The following PLD5 variants were observed in gnomAD, a reference collection of about 807,000 sequenced individuals.
The protein encoded by PLD5 is inactive phospholipase D5.
PLD5 carries 36 observed loss-of-function variants against 61.1 expected under a neutral mutation model. That is an observed-to-expected ratio of 0.59 (90% CI 0.45 to 0.78). PLD5 has a LOEUF of 0.78. Among genes scored for constraint, PLD5 ranks in the 30% least tolerant of loss-of-function variants. PLD5 has a pLI of 0.00. For synonymous variants in PLD5, 243 were observed against 242.8 expected (o/e 1.00, Z -0.01); for missense variants, 515 against 644.4 (o/e 0.80, Z 2.17).
chr1:242,398,346 A>G (rs542047344), intron 1 of PLD5, among the ~76,000 whole-genome samples: 31 of 152,322 alleles, frequency 2.0e-4, no homozygotes, highest in African/African-American at 6.7e-4. Context: ...TCGCTGTTCA[A>G]TCAAAAATCT....
chr1:242,089,887 G>T lies in PLD5; in HGVS notation c.1578C>A (p.Asp526Glu), dbSNP rs369388309. 6.2e-7 allele frequency: 1 copy of T among 1,614,098 alleles called. No homozygotes were observed. The highest frequency in any genetic ancestry group is 1.1e-5 in the South Asian group (1 of 91,076). Residue 526 changes from aspartate to glutamate, a missense_variant, in exon 10 of 10, where the codon GAC becomes GAA. Coordinates refer to ENST00000536534, the MANE Select transcript of PLD5 (RefSeq NM_001372062.1). The stretch of plus-strand genomic sequence containing the variant: ...TCCGGGGATCCTTTCCGCCTGTGTC[G>T]TCTGTGGCAGTTTTGTTGGAGAGGG... ...LKPLSNKTAT[D>E]DTGGKDPRNV
At chr1:242,176,473 CA>C (rs1667154391) in intron 5 of PLD5, among the ~76,000 whole-genome samples, 1 of 152,038 alleles carries the variant, frequency 6.6e-6, no homozygotes, top group African/African-American at 2.4e-5. Flanking sequence ...GATGGAAAAC[CA>C]TAAAAATCCT....
chr1:242,160,810 G>C (rs1484223552), intron 5 of PLD5, among the ~76,000 whole-genome samples: 2 of 152,004 alleles, frequency 1.3e-5, no homozygotes, highest in Non-Finnish European at 2.9e-5. Context: ...GCTTGAATCC[G>C]GGAGATGGAG....
intron 5 of PLD5, among the ~76,000 whole-genome samples, chr1:242,149,818 G>A (rs1356522878): frequency 6.6e-6 from 1 of 151,544 alleles, no homozygotes; most frequent in Non-Finnish European, 1.5e-5. Context: ...GGTCTGTAGT[G>A]ATGTCCCTTC....
chr1:242,196,669 T>C (rs1014758686), intron 5 of PLD5, among the ~76,000 whole-genome samples: 34 of 152,204 alleles, frequency 2.2e-4, no homozygotes, highest in African/African-American at 6.5e-4. Flanking sequence ...AATATAGCTA[T>C]ATTTAAATAT....
chr1:242,426,849 G>A (rs1426782388), intron 1 of PLD5, among the ~76,000 whole-genome samples: 1 of 152,120 alleles, frequency 6.6e-6, no homozygotes, highest in Non-Finnish European at 1.5e-5. Flanking sequence ...GTAGTTATAT[G>A]CCAGAGTTCC....
chr1:242,165,950 C>T (rs1666273163), intron 5 of PLD5, among the ~76,000 whole-genome samples: 1 of 152,224 alleles, frequency 6.6e-6, no homozygotes, highest in African/African-American at 2.4e-5. Context: ...CCTGACTGTT[C>T]AGTCCTTCCT....
At chr1:242,273,858 T>C (rs940306805) in intron 3 of PLD5, among the ~76,000 whole-genome samples, 152 of 152,200 alleles carry the variant, frequency 1.0e-3, no homozygotes, top group African/African-American at 3.5e-3. Flanking sequence ...GGCTGGAAGG[T>C]GCAGCAGCAA....
rs377114319 is a variant in PLD5, at chr1:242,167,185, A to G, written c.736-42520T>C. ...TGGACACAGTGACTGTGATAGCAGC[A>G]TTCACAGTGACAACTATAATAACTA... On this transcript the variant is annotated intron_variant, in intron 5 of 9. Coordinates refer to ENST00000536534, the MANE Select transcript of PLD5 (RefSeq NM_001372062.1). 1.9e-3 allele frequency among the ~76,000 whole-genome samples: 283 copies of G among 152,080 alleles called. 1 individual carries two copies. Among genetic ancestry groups the G allele is most frequent in the African/African-American group, 6.4e-3 (266 of 41,528 alleles).
intron 5 of PLD5, among the ~76,000 whole-genome samples, chr1:242,186,430 G>T (rs186975574): frequency 7.0e-4 from 106 of 152,174 alleles, no homozygotes; most frequent in African/African-American, 2.5e-3. Flanking sequence ...TGATCCACCC[G>T]CCTTGGCTTC....
At chr1:242,272,939 G>C (rs1369400635) in intron 3 of PLD5, among the ~76,000 whole-genome samples, 1 of 151,644 alleles carries the variant, frequency 6.6e-6, no homozygotes, top group Non-Finnish European at 1.5e-5. Context: ...TTTAAGTTCT[G>C]GGATACATGT....
In PLD5 at chr1:242,524,232, C is replaced by G. The variant is rs1413501618; in HGVS notation, c.45G>C (p.Glu15Asp). 7 of 1,519,116 alleles carry G rather than the reference C, an allele frequency of 4.6e-6. No homozygotes were observed. The highest frequency in any genetic ancestry group is 6.1e-6 in the Non-Finnish European group (7 of 1,138,848). The allele number at this position is 1,519,116 out of a possible 1,614,324, so 94.1% of individuals were successfully genotyped here. The change falls in exon 1 of 10, where the codon GAG becomes GAC. Residue 15 changes from glutamate (E) to aspartate (D), a missense_variant. Glu to Asp is a conservative substitution (Grantham distance 45). This residue lies in a region of PLD5 where 65 missense variants were observed against 46.3 expected (regional missense o/e 1.40). Transcript: ENST00000536534. ...TTTTGAGCCTCATCTGCTCGAAGCC[C>G]TCATGGGGGGAGGCCGAGAGCCACT... is the stretch of plus-strand genomic sequence containing the variant. ...QHEWLSASPHEGFEQMRLKSR... is the reference protein window; with the variant it reads ...QHEWLSASPHDGFEQMRLKSR...
intron 4 of PLD5, among the ~76,000 whole-genome samples, chr1:242,226,409 T>C (rs1021717171): frequency 2.0e-5 from 3 of 152,246 alleles, no homozygotes; most frequent in Non-Finnish European, 2.9e-5. Context: ...GTTTAACTGA[T>C]GATTCATAGG....
intron 5 of PLD5, among the ~76,000 whole-genome samples, chr1:242,146,908 A>G (rs1337390652): frequency 6.6e-6 from 1 of 152,218 alleles, no homozygotes; most frequent in African/African-American, 2.4e-5. Context: ...GAGGCTCTGC[A>G]TTGCTAAACA....
chr1:242,525,346 G>T (rs2103016783), upstream of PLD5, among the ~76,000 whole-genome samples: 1 of 152,316 alleles, frequency 6.6e-6, no homozygotes, highest in African/African-American at 2.4e-5. Flanking sequence ...CTGGGAGGGT[G>T]ATCCAGGGCT....
chr1:242,113,315 G>T (rs1381707715), intron 7 of PLD5, among the ~76,000 whole-genome samples: 4 of 151,916 alleles, frequency 2.6e-5, no homozygotes, highest in Non-Finnish European at 5.9e-5. Context: ...GGATGGTCTC[G>T]ATCTCCTGAC....
At chr1:242,394,153 T>C (rs1663187462) in intron 1 of PLD5, among the ~76,000 whole-genome samples, 1 of 107,002 alleles carries the variant, frequency 9.3e-6, no homozygotes, top group Non-Finnish European at 1.9e-5. Context: ...TATATGTGTA[T>C]ATATATGAGT....
intron 2 of PLD5, among the ~76,000 whole-genome samples, chr1:242,322,650 TAGTG>T (rs1482185086): frequency 3.3e-5 from 5 of 152,352 alleles, no homozygotes; most frequent in African/African-American, 9.6e-5. Context: ...GTTCCCATGA[TAGTG>T]AGTGAGTTCT....
intron 1 of PLD5, among the ~76,000 whole-genome samples, chr1:242,362,284 G>C (rs888382517): frequency 1.3e-4 from 20 of 152,028 alleles, no homozygotes; most frequent in Admixed American, 1.2e-3. Context: ...GCTGTCCAAG[G>C]TGAACCAAAC....
Sources: allele counts gnomAD v4.1 joint callset (sites outside exome capture counted in the v4.1 genomes callset), GRCh38; gene constraint gnomAD v4.1.1; regional missense constraint gnomAD v4.1.1; transcripts MANE v1.5; gene names NCBI Gene and HGNC (gene_info 2026-07-23, HGNC 2026-07-21).